The following GRIN2A variants were observed in gnomAD, a reference collection of about 807,000 sequenced individuals.
GRIN2A encodes the protein glutamate ionotropic receptor NMDA type subunit 2A.
In GRIN2A, 22 loss-of-function variants were observed where a neutral mutation model predicts 113.4. The ratio of observed to expected loss-of-function variants is 0.19; its 90% CI spans 0.14 to 0.28. GRIN2A has a LOEUF of 0.28. Among genes scored for constraint, GRIN2A ranks in the 10% least tolerant of loss-of-function variants. GRIN2A has a pLI of 1.00. For synonymous variants in GRIN2A, 827 were observed against 738.4 expected (o/e 1.12, Z -1.94); for missense variants, 1,502 against 1,887.0 (o/e 0.80, Z 3.78).
Position 9,834,142 on chromosome 16 carries a change from G to A in GRIN2A, c.1740C>T (p.Ser580=), listed in dbSNP as rs1296834781. 4 of 1,612,712 alleles carry A rather than the reference G, an allele frequency of 2.5e-6. No individual in the cohort carries two copies. Among genetic ancestry groups the A allele is most frequent in the African/African-American group, 2.7e-5 (2 of 74,902 alleles). The change falls in exon 8 of 13, where the codon AGC becomes AGT. Residue 580 remains serine (S), a synonymous_variant. Coordinates refer to ENST00000330684, the MANE Select transcript of GRIN2A (RefSeq NM_001134407.3). ...CTAAGTTTCTGTTGTATCCAACAGG[G>A]CTGAAGTATTCAAAGACAAAAACAG... ...AIAVFVFEYF[S]PVGYNRNLAK...
intron 11 of GRIN2A, among the ~76,000 whole-genome samples, chr16:9,769,451 C>CTTTTTTTTTTTTTTTTTTTTT (rs34847596): frequency 1.0e-4 from 11 of 104,868 alleles, no homozygotes; most frequent in East Asian, 3.2e-4. Context: ...GGAGTTTTGT[C>CTTTTTTTTTTTTTTTTTTTTT]TTTTTTTTTT....
At chr16:10,166,515 A>T (rs1445219633) in intron 2 of GRIN2A, among the ~76,000 whole-genome samples, 1 of 152,118 alleles carries the variant, frequency 6.6e-6, no homozygotes, top group Non-Finnish European at 1.5e-5. Flanking sequence ...CAGCTCTCCA[A>T]TTTGACCCCA....
At chr16:10,010,568 C>T (rs1221211755) in intron 2 of GRIN2A, among the ~76,000 whole-genome samples, 1 of 152,330 alleles carries the variant, frequency 6.6e-6, no homozygotes, top group Admixed American at 6.5e-5. Context: ...TGTATAGGAA[C>T]TGTTTAATAT....
At chr16:10,038,332 C>T (rs1303076106) in intron 2 of GRIN2A, among the ~76,000 whole-genome samples, 1 of 152,104 alleles carries the variant, frequency 6.6e-6, no homozygotes, top group East Asian at 1.9e-4. Flanking sequence ...CATATGAATT[C>T]TAGGGGGACG....
intron 10 of GRIN2A, among the ~76,000 whole-genome samples, chr16:9,821,509 G>C (rs1250988130): frequency 6.6e-6 from 1 of 152,186 alleles, no homozygotes; most frequent in Non-Finnish European, 1.5e-5. Flanking sequence ...TTTCAGAAGA[G>C]TCCATGGAAT....
At chr16:9,954,174 T>C (rs773929426) in intron 2 of GRIN2A, among the ~76,000 whole-genome samples, 4 of 152,232 alleles carry the variant, frequency 2.6e-5, no homozygotes, top group Non-Finnish European at 4.4e-5. Flanking sequence ...GTGAACATTT[T>C]TCCTTTTTAA....
intron 2 of GRIN2A, among the ~76,000 whole-genome samples, chr16:10,115,113 C>T (rs1306520320): frequency 6.6e-6 from 1 of 152,180 alleles, no homozygotes; most frequent in African/African-American, 2.4e-5. Context: ...GCTTTCAATG[C>T]TCTGTTGCAA....
intron 2 of GRIN2A, among the ~76,000 whole-genome samples, chr16:10,078,210 C>A (rs2047912743): frequency 6.6e-6 from 1 of 152,204 alleles, no homozygotes; most frequent in South Asian, 2.1e-4. Flanking sequence ...ATTGAAACAT[C>A]TTCATAACAT....
At chr16:9,936,654 C>T (rs1243268448) in intron 3 of GRIN2A, among the ~76,000 whole-genome samples, 2 of 152,034 alleles carry the variant, frequency 1.3e-5, no homozygotes, top group Non-Finnish European at 2.9e-5. Flanking sequence ...AAATGTTCGC[C>T]AAGATGGGAG....
chr16:10,040,318 T>C (rs1269115396), intron 2 of GRIN2A, among the ~76,000 whole-genome samples: 1 of 145,148 alleles, frequency 6.9e-6, no homozygotes, highest in Admixed American at 6.9e-5. Flanking sequence ...ACAACACACA[T>C]CCACACCACA....
intron 4 of GRIN2A, among the ~76,000 whole-genome samples, chr16:9,861,644 A>ATGTT (rs1363795103): frequency 6.6e-6 from 1 of 152,354 alleles, no homozygotes. Flanking sequence ...GAGTTCAGTG[A>ATGTT]TGTTTTTTAA....
At chr16:9,963,070 A>T (rs552455832) in intron 2 of GRIN2A, among the ~76,000 whole-genome samples, 1 of 141,432 alleles carries the variant, frequency 7.1e-6, no homozygotes. Context: ...GAACTGAACA[A>T]TGAGAACACA....
chr16:9,809,006 C>CA, intron 10 of GRIN2A, among the ~76,000 whole-genome samples: 1 of 151,938 alleles, frequency 6.6e-6, no homozygotes. Flanking sequence ...AGAATGAAGG[C>CA]AAAAAATGGA....
At chr16:10,168,736 C>A (rs572705745) in intron 2 of GRIN2A, among the ~76,000 whole-genome samples, 2 of 152,082 alleles carry the variant, frequency 1.3e-5, no homozygotes, top group Non-Finnish European at 2.9e-5. Context: ...GAGGCCAAAG[C>A]GGGTGGATCA....
At chr16:9,930,285 C>A (rs1463866988) in intron 3 of GRIN2A, among the ~76,000 whole-genome samples, 1 of 152,132 alleles carries the variant, frequency 6.6e-6, no homozygotes, top group African/African-American at 2.4e-5. Context: ...TAAGTGGTAT[C>A]ATCCTCCCTA....
intron 2 of GRIN2A, among the ~76,000 whole-genome samples, chr16:10,122,239 A>T (rs1219916748): frequency 6.6e-6 from 1 of 152,120 alleles, no homozygotes. Context: ...AGCCAAAAAA[A>T]CTCTGGCTAC....
At chr16:9,881,542 C>T (rs764089847) in intron 4 of GRIN2A, among the ~76,000 whole-genome samples, 7 of 152,110 alleles carry the variant, frequency 4.6e-5, no homozygotes, top group Non-Finnish European at 1.0e-4. Flanking sequence ...TACATCTTTC[C>T]CAAGGTGATT....
chr16:9,991,561 C>T (rs1286541358), intron 2 of GRIN2A, among the ~76,000 whole-genome samples: 1 of 152,178 alleles, frequency 6.6e-6, no homozygotes, highest in African/African-American at 2.4e-5. Context: ...CCATTCCCCT[C>T]ACCTTCGAGT....
intron 2 of GRIN2A, among the ~76,000 whole-genome samples, chr16:10,077,377 G>T (rs151206342): frequency 6.6e-6 from 1 of 152,166 alleles, no homozygotes; most frequent in African/African-American, 2.4e-5. Context: ...CGTTGCTGAG[G>T]CCAAACATTT....
Sources: gnomAD v4.1 joint callset for allele counts (sites outside exome capture counted in the v4.1 genomes callset) on GRCh38, gnomAD v4.1.1 for gene constraint, MANE v1.5 for transcripts, NCBI Gene and HGNC (gene_info 2026-07-23, HGNC 2026-07-21) for gene names.